The following OTOGL variants were observed in gnomAD, a reference collection of about 807,000 sequenced individuals.
The protein encoded by OTOGL is otogelin-like protein.
Under a neutral mutation model 318.5 loss-of-function variants are expected in OTOGL, and 285 were observed. The observed-to-expected ratio is 0.89, with a 90% confidence interval of 0.81 to 0.99. The LOEUF (loss-of-function observed/expected upper bound fraction) is 0.99, where lower values mean the gene tolerates loss of function less well. Ranked by LOEUF, OTOGL falls within the 50% of genes least tolerant of loss-of-function variation. The pLI is 0.00. For missense variants in OTOGL, 2,899 were observed against 2,845.6 expected, an observed-to-expected ratio of 1.02 and a Z score of -0.43; for synonymous variants, 987 against 936.5, an observed-to-expected ratio of 1.05 and a Z score of -0.99.
intron 11 of OTOGL, among the ~76,000 whole-genome samples, chr12:80,240,222 G>A (rs927965019): frequency 3.3e-5 from 5 of 151,692 alleles, no homozygotes; most frequent in Admixed American, 1.3e-4. Context: ...TGTTGATTTT[G>A]TTTTTTGGGG....
intron 26 of OTOGL, among the ~76,000 whole-genome samples, chr12:80,289,157 C>T (rs1199390379): frequency 1.3e-5 from 2 of 152,208 alleles, no homozygotes; most frequent in Non-Finnish European, 2.9e-5. Flanking sequence ...GGGCTCTCTT[C>T]TGCAGGTCTG....
Position 80,342,085 on chromosome 12 carries a change from A to G in OTOGL, c.5188A>G (p.Arg1730Gly). ...SFEVTMRRPV[R>G]NCTEHDCSQC... Reference sequence around the variant, plus strand: ...TGAAGTAACAATGAGAAGACCTGTTAGGAATTGTACTGAGCATGATTGCAG... The same window carrying G: ...TGAAGTAACAATGAGAAGACCTGTTGGGAATTGTACTGAGCATGATTGCAG... The change falls in exon 44 of 59, where the codon AGG (arginine) becomes GGG (glycine). Residue 1730 changes from arginine to glycine, a missense_variant. By Grantham distance (125) the Arg-to-Gly change is moderately radical. Around this residue, in one of 3 missense-constraint regions of OTOGL, gnomAD observed 2,607 missense variants for 2,524.9 expected, o/e 1.03. Coordinates refer to ENST00000547103, the MANE Select transcript of OTOGL (RefSeq NM_001378609.3). 1 of 1,607,098 alleles carries G rather than the reference A, an allele frequency of 6.2e-7. No homozygotes were observed. Among genetic ancestry groups the G allele is most frequent in the East Asian group, 2.2e-5 (1 of 44,692 alleles).
intron 37 of OTOGL, among the ~76,000 whole-genome samples, chr12:80,329,789 T>C (rs1887955118): frequency 6.6e-6 from 1 of 152,200 alleles, no homozygotes; most frequent in Non-Finnish European, 1.5e-5. Context: ...TGACAAGCTT[T>C]AATTGAGCAC....
intron 24 of OTOGL, among the ~76,000 whole-genome samples, chr12:80,274,087 A>T (rs1397144693): frequency 6.6e-6 from 1 of 152,040 alleles, no homozygotes; most frequent in Admixed American, 6.6e-5. Context: ...TAATAACTCT[A>T]CAATAGTCAC....
At chr12:80,254,503 T>C (rs1165735189) in intron 14 of OTOGL, 21 bp from the exon 15 acceptor site, 2 of 1,590,616 alleles carry the variant, frequency 1.3e-6, no homozygotes, top group Non-Finnish European at 1.7e-6. Context: ...AATAGATTAA[T>C]ATTTTTATAA....
At chr12:80,257,708 G>T (rs1882180103) in intron 17 of OTOGL, 117 bp from the exon 18 acceptor site, 10 of 1,058,746 alleles carry the variant, frequency 9.4e-6, no homozygotes, top group African/African-American at 1.6e-5. Flanking sequence ...GGAACCACTA[G>T]CCTGCCTCTC....
chr12:80,372,349 TA>T (rs1304321830), intron 57 of OTOGL, among the ~76,000 whole-genome samples: 5 of 152,100 alleles, frequency 3.3e-5, no homozygotes, highest in African/African-American at 1.2e-4. Context: ...TTAATTTAAA[TA>T]TTTTTTTATT....
chr12:80,379,657 A>G lies in OTOGL; in HGVS notation c.*1609A>G, dbSNP rs1205517206. 2 of 151,860 alleles carry G rather than the reference A, an allele frequency of 1.3e-5. No homozygotes were observed. Among genetic ancestry groups the G allele is most frequent in the Non-Finnish European group, 2.9e-5 (2 of 67,852 alleles). The allele number at this position is 151,860 out of a possible 1,614,324, so 9.4% of individuals were successfully genotyped here. ...AGAGAAAATGTTATGTATTTCAAAT[A>G]GAAGTAACTAATGTTGTATATTATC... On this transcript the variant is annotated 3_prime_UTR_variant, in exon 59 of 59. Transcript: ENST00000547103.
rs1486694742 is a variant in OTOGL, at chr12:80,297,046, T to C, written c.3063+85T>C. ...ATAGAAATGATTTGGTCTACTCCTC[T>C]CTGTAAATGGTCATGAGATCTATGT... is the stretch of plus-strand genomic sequence containing the variant. On this transcript the variant is annotated intron_variant, in intron 27 of 58. Transcript: ENST00000547103. 2.4e-6 allele frequency: 3 copies of C among 1,235,668 alleles called. No homozygotes were observed. In the African/African-American group the frequency reaches 4.5e-5, roughly 19 times the overall value. The allele number at this position is 1,235,668 out of a possible 1,614,324, so 76.5% of individuals were successfully genotyped here. A position where few individuals can be genotyped will look rare whatever the true frequency, so the allele number is the denominator to read the frequency against.
chr12:80,304,018 T>C (rs185375717), intron 28 of OTOGL, among the ~76,000 whole-genome samples: 129 of 152,348 alleles, frequency 8.5e-4, no homozygotes, highest in Non-Finnish European at 1.7e-3. Context: ...AGACAACCAC[T>C]GATTATATTT....
chr12:80,149,517 T>G (rs1872631556), intron 1 of OTOGL, among the ~76,000 whole-genome samples: 1 of 151,946 alleles, frequency 6.6e-6, no homozygotes, highest in South Asian at 2.1e-4. Context: ...ACTGCTGTCT[T>G]TTTGTTTGTC....
chr12:80,314,866 G>A (rs1886872047), intron 32 of OTOGL, among the ~76,000 whole-genome samples: 1 of 152,094 alleles, frequency 6.6e-6, no homozygotes, highest in Admixed American at 6.6e-5. Flanking sequence ...AAGAACATTT[G>A]AAATTCTTTC....
intron 18 of OTOGL, among the ~76,000 whole-genome samples, chr12:80,261,603 AG>A (rs1882532087): frequency 6.6e-6 from 1 of 152,084 alleles, no homozygotes; most frequent in Non-Finnish European, 1.5e-5. Context: ...TGGTTGTGTG[AG>A]TGTATGTGGT....
intron 11 of OTOGL, among the ~76,000 whole-genome samples, chr12:80,247,184 GT>G (rs1880986489): frequency 6.8e-6 from 1 of 147,958 alleles, no homozygotes; most frequent in Admixed American, 6.6e-5. Flanking sequence ...TCTGATTTTA[GT>G]TATTTCTTGC....
intron 35 of OTOGL, among the ~76,000 whole-genome samples, chr12:80,325,199 C>T (rs1887601176): frequency 6.6e-6 from 1 of 151,462 alleles, no homozygotes; most frequent in South Asian, 2.1e-4. Context: ...AAGATCCAGC[C>T]CCTCTGTAAG....
chr12:80,370,257 G>C (rs555752215), intron 55 of OTOGL, among the ~76,000 whole-genome samples: 219 of 152,040 alleles, frequency 1.4e-3, no homozygotes, highest in African/African-American at 5.0e-3. Context: ...AGTAGAAACA[G>C]ATACCTATTT....
intron 11 of OTOGL, among the ~76,000 whole-genome samples, chr12:80,248,668 T>A (rs1450721578): frequency 1.4e-5 from 2 of 138,620 alleles, no homozygotes; most frequent in Non-Finnish European, 1.5e-5. Context: ...TCGAGGAGTA[T>A]CTTTGTGGTG....
At chr12:80,229,813 G>A (rs1040879470) in intron 8 of OTOGL, among the ~76,000 whole-genome samples, 2 of 152,028 alleles carry the variant, frequency 1.3e-5, no homozygotes, top group Non-Finnish European at 2.9e-5. Flanking sequence ...TTCTTTCCAA[G>A]TTTGTGTGAA....
Position 80,292,000 on chromosome 12 carries a change from T to C in OTOGL, c.2929-4827T>C, listed in dbSNP as rs899143460. ...TTTTCTTTTCTTTTTCTTTTTTTGTTTTTTTGAGATGGAGTTTCACTCTTA... is the reference window on the plus strand; with the variant it reads ...TTTTCTTTTCTTTTTCTTTTTTTGTCTTTTTGAGATGGAGTTTCACTCTTA... On this transcript the variant is annotated intron_variant, in intron 26 of 58. Coordinates refer to ENST00000547103, the MANE Select transcript of OTOGL (RefSeq NM_001378609.3). Among the ~76,000 whole-genome samples the C allele has an allele frequency of 2.6e-5, 4 of 152,278 alleles. No homozygotes were observed. In the East Asian group the frequency reaches 7.7e-4, roughly 29 times the overall value.
Sources: gnomAD v4.1 joint callset for allele counts (sites outside exome capture counted in the v4.1 genomes callset) on GRCh38, gnomAD v4.1.1 for gene constraint, gnomAD v4.1.1 regional missense constraint, MANE v1.5 for transcripts, NCBI Gene and HGNC (gene_info 2026-07-23, HGNC 2026-07-21) for gene names.